Variants in ZC3H12B observed in about 807,000 individuals in gnomAD.
ZC3H12B encodes zinc finger CCCH-type containing 12B, also known as probable ribonuclease ZC3H12B.
Under a neutral mutation model 43.9 loss-of-function variants are expected in ZC3H12B, and 7 were observed. The observed-to-expected ratio is 0.16, with a 90% CI of 0.09 to 0.30. The LOEUF is 0.30. Ranked by LOEUF, ZC3H12B falls within the 10% of genes least tolerant of loss-of-function variation. The pLI is 1.00. For synonymous variants in ZC3H12B, 222 were observed against 241.7 expected (o/e 0.92, Z 0.76); for missense variants, 475 against 670.2 (o/e 0.71, Z 3.22).
the ZC3H12B span, among the ~76,000 whole-genome samples, chrX:65,189,205 A>T: frequency 1.0e-4 from 11 of 105,365 alleles, no homozygotes; most frequent in Non-Finnish European, 1.7e-4. Context: ...ATTGTTGGAC[A>T]TGTGGGTTGG....
chrX:65,048,095 G>T, the ZC3H12B span, among the ~76,000 whole-genome samples: 4 of 110,661 alleles, frequency 3.6e-5, no homozygotes, highest in Non-Finnish European at 5.7e-5. Context: ...GTTTCCCTGG[G>T]TTCTATCAAT....
chrX:65,425,878 G>A (rs1386145511), intron 3 of ZC3H12B, among the ~76,000 whole-genome samples: 1 of 111,390 alleles, frequency 9.0e-6, no homozygotes, highest in Non-Finnish European at 1.9e-5. Flanking sequence ...CTTTACTGAG[G>A]ATTTTTGCAT....
chrX:65,305,182 G>A, the ZC3H12B span, among the ~76,000 whole-genome samples: 1 of 111,384 alleles, frequency 9.0e-6, no homozygotes, highest in East Asian at 2.8e-4. Context: ...AATAACCCTA[G>A]GGATTAAGTA....
chrX:65,351,002 C>A, the ZC3H12B span, among the ~76,000 whole-genome samples: 2 of 111,729 alleles, frequency 1.8e-5, no homozygotes, highest in African/African-American at 6.5e-5. Context: ...CAAAAAAGAG[C>A]ACGCATAAAC....
chrX:65,171,837 G>A, the ZC3H12B span, among the ~76,000 whole-genome samples: 4 of 111,447 alleles, frequency 3.6e-5, no homozygotes, highest in South Asian at 3.9e-4. Context: ...GGGACCCTCC[G>A]AGACAAGTGT....
At chrX:65,119,990 A>T in the ZC3H12B span, among the ~76,000 whole-genome samples, 6 of 111,399 alleles carry the variant, frequency 5.4e-5, no homozygotes, top group Admixed American at 9.5e-5. Flanking sequence ...GGCTCTGTTC[A>T]GTTCCATTGG....
chrX:65,319,714 G>A, the ZC3H12B span, among the ~76,000 whole-genome samples: 2 of 110,972 alleles, frequency 1.8e-5, no homozygotes, highest in African/African-American at 6.6e-5. Context: ...ACATCAAAAA[G>A]CTAATCCACC....
chrX:65,161,954 C>T, the ZC3H12B span, among the ~76,000 whole-genome samples: 1 of 111,620 alleles, frequency 9.0e-6, no homozygotes. Flanking sequence ...TCTTTTAGGG[C>T]AGGCCTGGTG....
chrX:65,090,895 A>C, the ZC3H12B span, among the ~76,000 whole-genome samples: 2 of 110,831 alleles, frequency 1.8e-5, no homozygotes, highest in East Asian at 2.8e-4. Flanking sequence ...GTGAGTTTTC[A>C]TGAGATCTGG....
the ZC3H12B span, among the ~76,000 whole-genome samples, chrX:65,165,205 C>T: frequency 8.9e-6 from 1 of 111,944 alleles, no homozygotes; most frequent in Non-Finnish European, 1.9e-5. Context: ...TTTTATATTG[C>T]TCCACATTAA....
chrX:65,355,683 C>T, the ZC3H12B span, among the ~76,000 whole-genome samples: 9 of 111,872 alleles, frequency 8.0e-5, no homozygotes, highest in African/African-American at 2.9e-4. Context: ...AAAATTTAAA[C>T]AATTTTTGGT....
chrX:65,506,870 G>C (rs933222231), exon 5 of ZC3H12B: 2 of 110,840 alleles, frequency 1.8e-5, no homozygotes, highest in African/African-American at 6.6e-5. Context: ...CCAGGTATGG[G>C]AGAATGACAG....
chrX:65,202,070 A>G, the ZC3H12B span, among the ~76,000 whole-genome samples: 1 of 70,644 alleles, frequency 1.4e-5, no homozygotes. Flanking sequence ...TGTAATATAT[A>G]TATTACATAT....
chrX:65,199,900 G>T, the ZC3H12B span, among the ~76,000 whole-genome samples: 1 of 109,650 alleles, frequency 9.1e-6, no homozygotes. Context: ...GAATAGTGCT[G>T]CAATGAACAT....
At chrX:65,164,435 G>C in the ZC3H12B span, among the ~76,000 whole-genome samples, 1 of 111,352 alleles carries the variant, frequency 9.0e-6, no homozygotes, top group Admixed American at 9.6e-5. Context: ...GAGCAATTAG[G>C]GAGGATATAA....
the ZC3H12B span, among the ~76,000 whole-genome samples, chrX:65,201,639 C>CCTCTCTCTCTCT: frequency 4.6e-5 from 3 of 64,552 alleles, no homozygotes; most frequent in Non-Finnish European, 9.1e-5. Flanking sequence ...TGAAAGATCA[C>CCTCTCTCTCTCT]CTCTCTCTCT....
the ZC3H12B span, among the ~76,000 whole-genome samples, chrX:65,159,053 TC>T: frequency 6.2e-5 from 7 of 112,027 alleles, no homozygotes; most frequent in African/African-American, 1.9e-4. Context: ...TGCTTGTTTT[TC>T]TCAGGTTTGT....
chrX:65,268,835 C>T, the ZC3H12B span, among the ~76,000 whole-genome samples: 1 of 111,639 alleles, frequency 9.0e-6, no homozygotes, highest in African/African-American at 3.3e-5. Flanking sequence ...TAATACAAGG[C>T]AAAAATGCCC....
At chrX:65,474,521 A>T (rs1432950339) in intron 3 of ZC3H12B, among the ~76,000 whole-genome samples, 5 of 112,136 alleles carry the variant, frequency 4.5e-5, no homozygotes, top group Non-Finnish European at 9.4e-5. Flanking sequence ...GTAATTACTG[A>T]TAAGTGAGTA....
Sources: allele counts gnomAD v4.1 joint callset (sites outside exome capture counted in the v4.1 genomes callset), GRCh38; gene constraint gnomAD v4.1.1; transcripts MANE v1.5; gene names NCBI Gene and HGNC (gene_info 2026-07-23, HGNC 2026-07-21).